CPNE4: variants seen among roughly 807,000 people sequenced by gnomAD.
CPNE4 encodes the protein copine-4.
A neutral mutation model predicts 67.9 loss-of-function variants in CPNE4; 25 were observed. The ratio of observed to expected loss-of-function variants is 0.37; its 90% CI spans 0.27 to 0.51. CPNE4 has a LOEUF of 0.51. Ranked by LOEUF, CPNE4 falls within the 20% of genes least tolerant of loss-of-function variation. The pLI is 0.93. For synonymous variants in CPNE4, 242 were observed against 244.9 expected, an observed-to-expected ratio of 0.99 and a Z score of 0.11; for missense variants, 464 against 690.8, an observed-to-expected ratio of 0.67 and a Z score of 3.68.
intron 2 of CPNE4, among the ~76,000 whole-genome samples, chr3:131,777,624 T>C (rs931287066): frequency 3.3e-5 from 5 of 152,206 alleles, no homozygotes; most frequent in African/African-American, 1.2e-4. Context: ...CTTTGGGCGG[T>C]TGTCTCATCA....
chr3:131,554,855 G>A (rs1936377326), intron 12 of CPNE4, among the ~76,000 whole-genome samples: 1 of 152,092 alleles, frequency 6.6e-6, no homozygotes, highest in African/African-American at 2.4e-5. Flanking sequence ...CGAGTTCTCT[G>A]TGGAGAATGT....
At chr3:131,928,953 G>A (rs1352020839) in intron 1 of CPNE4, among the ~76,000 whole-genome samples, 7 of 152,096 alleles carry the variant, frequency 4.6e-5, no homozygotes, top group Non-Finnish European at 1.5e-5. Context: ...GAGAGGGCTA[G>A]TCCTAGGAAT....
At chr3:131,961,191 A>G (rs1463428675) in intron 1 of CPNE4, among the ~76,000 whole-genome samples, 1 of 152,202 alleles carries the variant, frequency 6.6e-6, no homozygotes, top group African/African-American at 2.4e-5. Context: ...ACAGAAAACA[A>G]TTTTATTTAG....
rs78208434 is a variant in CPNE4 at position 131,935,579 on chromosome 3, G to T, written c.-1-30135C>A. Among the ~76,000 whole-genome samples, 40 of 152,254 alleles carry T rather than the reference G, an allele frequency of 2.6e-4. No individual in the cohort carries two copies. In the East Asian group the frequency reaches 6.0e-3, roughly 23 times the overall value. ...TCCTTTTTGGCATGATTAATTAAAT[G>T]AAACATTTTCTAGGATAATAGCAGA... On this transcript the variant is annotated intron_variant, in intron 1 of 15. Coordinates refer to ENST00000429747, the MANE Select transcript of CPNE4 (RefSeq NM_130808.3).
chr3:131,572,179 C>T (rs187147072), intron 10 of CPNE4, among the ~76,000 whole-genome samples: 1 of 152,180 alleles, frequency 6.6e-6, no homozygotes, highest in Non-Finnish European at 1.5e-5. Flanking sequence ...CAAAGGCTTT[C>T]TCCTAGCCCC....
intron 9 of CPNE4, among the ~76,000 whole-genome samples, chr3:131,579,373 A>G (rs926649142): frequency 2.6e-5 from 4 of 152,198 alleles, no homozygotes; most frequent in African/African-American, 9.6e-5. Flanking sequence ...GGAGATGTGC[A>G]AGGGGTTTTA....
chr3:131,985,284 T>C (rs1472846565), intron 1 of CPNE4, among the ~76,000 whole-genome samples: 1 of 152,188 alleles, frequency 6.6e-6, no homozygotes, highest in Non-Finnish European at 1.5e-5. Flanking sequence ...TTTCAACATA[T>C]CAGTTTTTTG....
chr3:132,001,560 A>AAAGG (rs2073439694), intron 1 of CPNE4, among the ~76,000 whole-genome samples: 2 of 110,128 alleles, frequency 1.8e-5, no homozygotes, highest in Non-Finnish European at 2.0e-5. Flanking sequence ...AAAGAGAAAG[A>AAAGG]AAGAAAGAAA....
intron 1 of CPNE4, among the ~76,000 whole-genome samples, chr3:132,001,601 AAGAAAGAAAG>A (rs1199283448): frequency 1.8e-4 from 27 of 151,226 alleles, no homozygotes; most frequent in African/African-American, 6.1e-4. Context: ...GAAAGAAAGA[AAGAAAGAAAG>A]AAAGAAAATG....
chr3:131,625,762 A>G (rs73001211), intron 7 of CPNE4, among the ~76,000 whole-genome samples: 1 of 152,050 alleles, frequency 6.6e-6, no homozygotes, highest in Non-Finnish European at 1.5e-5. Flanking sequence ...GAGATTGCCA[A>G]AAACAATCAA....
chr3:131,835,240 G>A (rs544239058), intron 2 of CPNE4, among the ~76,000 whole-genome samples: 1 of 152,242 alleles, frequency 6.6e-6, no homozygotes, highest in Non-Finnish European at 1.5e-5. Flanking sequence ...GAATAAAAAG[G>A]CCCAGGGGCC....
chr3:131,700,044 T>A (rs1373569491), intron 3 of CPNE4, 64 bp from the exon 4 acceptor site: 5 of 1,005,080 alleles, frequency 5.0e-6, no homozygotes, highest in Non-Finnish European at 7.3e-6. Context: ...TGTAGATCTA[T>A]TTTTTAAACC....
chr3:131,878,487 G>A (rs1560524528), intron 2 of CPNE4, among the ~76,000 whole-genome samples: 2 of 152,182 alleles, frequency 1.3e-5, no homozygotes, highest in Non-Finnish European at 2.9e-5. Context: ...GTAAACAGAA[G>A]AGGCAAAAGA....
chr3:131,696,524 T>A lies in CPNE4; in HGVS notation c.507+18A>T. 8 of 1,609,716 alleles carry A rather than the reference T, an allele frequency of 5.0e-6. No homozygotes were observed. The highest frequency in any genetic ancestry group is 6.8e-6 in the Non-Finnish European group (8 of 1,176,114). ...GCTTTGTTACTTCCTTCAATAAGGT[T>A]AATGCCAAACGCTTTACCTTGTCAT... On this transcript the variant is annotated intron_variant, in intron 5 of 15. Coordinates refer to ENST00000429747, the MANE Select transcript of CPNE4 (RefSeq NM_130808.3).
At chr3:131,854,146 G>A (rs1010303040) in intron 2 of CPNE4, among the ~76,000 whole-genome samples, 3 of 151,848 alleles carry the variant, frequency 2.0e-5, no homozygotes, top group African/African-American at 7.2e-5. Context: ...TGTCCATAAA[G>A]GGAGAATGAA....
intron 9 of CPNE4, among the ~76,000 whole-genome samples, chr3:131,577,264 T>A (rs1295261963): frequency 6.6e-6 from 1 of 152,094 alleles, no homozygotes; most frequent in Non-Finnish European, 1.5e-5. Flanking sequence ...GAAACATATA[T>A]CTATGTATGT....
intron 2 of CPNE4, among the ~76,000 whole-genome samples, chr3:131,879,488 G>T (rs543782689): frequency 1.3e-5 from 2 of 152,128 alleles, no homozygotes; most frequent in East Asian, 1.9e-4. Context: ...CTGTATCAGG[G>T]TTATTCTTTA....
At chr3:131,626,490 C>T (rs1240973207) in intron 7 of CPNE4, among the ~76,000 whole-genome samples, 1 of 152,142 alleles carries the variant, frequency 6.6e-6, no homozygotes, top group East Asian at 1.9e-4. Flanking sequence ...AAGCCCAATC[C>T]AGAGTAAGTC....
intron 14 of CPNE4, among the ~76,000 whole-genome samples, chr3:131,546,282 A>G (rs1052896498): frequency 1.3e-5 from 2 of 152,204 alleles, no homozygotes; most frequent in African/African-American, 2.4e-5. Context: ...GAAATTTCCA[A>G]TAAAGCAAAC....
Sources: gnomAD v4.1 joint callset for allele counts (sites outside exome capture counted in the v4.1 genomes callset) on GRCh38, gnomAD v4.1.1 for gene constraint, MANE v1.5 for transcripts, NCBI Gene and HGNC (gene_info 2026-07-23, HGNC 2026-07-21) for gene names.